TCF12: variants seen among roughly 807,000 people sequenced by gnomAD.
The protein encoded by TCF12 is transcription factor 12, also known as DNA-binding protein HTF4.
A neutral mutation model predicts 86.0 loss-of-function variants in TCF12; 45 were observed. The observed-to-expected ratio is 0.52, with a 90% confidence interval of 0.41 to 0.67. The LOEUF is 0.67. Among genes scored for constraint, TCF12 ranks in the 30% least tolerant of loss-of-function variants. The probability of loss-of-function intolerance (pLI) is 0.00; values close to 1 mark genes in which losing one functional copy is unlikely to be tolerated. For missense variants in TCF12, 881 were observed against 859.9 expected (o/e 1.02, Z -0.31); for synonymous variants, 330 against 299.6 (o/e 1.10, Z -1.05).
intron 4 of TCF12, among the ~76,000 whole-genome samples, chr15:57,086,742 TGA>T (rs2151089398): frequency 6.7e-6 from 1 of 148,150 alleles, no homozygotes; most frequent in East Asian, 2.0e-4. Flanking sequence ...TGAAAAGAAT[TGA>T]AAAATTTTTT....
chr15:56,939,522 A>AT (rs1251743506), intron 3 of TCF12, among the ~76,000 whole-genome samples: 1 of 152,058 alleles, frequency 6.6e-6, no homozygotes, highest in African/African-American at 2.4e-5. Flanking sequence ...TGTCATTTGG[A>AT]TTTTTTTGTT....
At chr15:57,273,297 G>A (rs1231072367) in intron 19 of TCF12, 35 bp downstream of exon 19, 3 of 1,593,418 alleles carry the variant, frequency 1.9e-6, no homozygotes, top group Non-Finnish European at 2.6e-6. Flanking sequence ...TAACTGTTCT[G>A]CTTCAGATGG....
At chr15:57,125,796 A>T (rs543680174) in intron 5 of TCF12, among the ~76,000 whole-genome samples, 21 of 152,352 alleles carry the variant, frequency 1.4e-4, no homozygotes, top group Admixed American at 6.5e-4. Context: ...ACACTCTTGT[A>T]AATAGAAGCA....
At chr15:57,150,990 C>A (rs1328145856) in intron 5 of TCF12, among the ~76,000 whole-genome samples, 2 of 145,154 alleles carry the variant, frequency 1.4e-5, no homozygotes, top group Admixed American at 1.4e-4. Context: ...CTTTTTTCTC[C>A]TTTTTTGGAG....
chr15:57,289,316 G>A lies in TCF12; in HGVS notation c.*3171G>A, dbSNP rs1442342807. The A allele has an allele frequency of 6.6e-6, 1 of 152,112 alleles. No individual in the cohort carries two copies. Among genetic ancestry groups the A allele is most frequent in the Non-Finnish European group, 1.5e-5 (1 of 68,022 alleles). 9.4% of individuals were successfully genotyped at this position (152,112 alleles called of 1,614,324 possible). A position where few individuals can be genotyped will look rare whatever the true frequency, so the allele number is the denominator to read the frequency against. ...TAAGAAGAAAATGTATAATCTTAGA[G>A]CTGAAATAAAATATAGAGACCATCT... On this transcript the variant is annotated 3_prime_UTR_variant, in exon 21 of 21. Transcript: ENST00000333725.
At chr15:57,005,517 A>G (rs534825746) in intron 3 of TCF12, among the ~76,000 whole-genome samples, 6 of 152,308 alleles carry the variant, frequency 3.9e-5, no homozygotes, top group African/African-American at 1.2e-4. Context: ...CCTCCTCTAT[A>G]TAACAGTTTT....
intron 8 of TCF12, among the ~76,000 whole-genome samples, chr15:57,212,626 A>G (rs1010189257): frequency 2.0e-5 from 3 of 152,026 alleles, no homozygotes; most frequent in African/African-American, 7.3e-5. Context: ...ATGGAATTTT[A>G]AAAAAAGAGT....
At chr15:56,962,832 G>T (rs181219580) in intron 3 of TCF12, among the ~76,000 whole-genome samples, 88 of 152,226 alleles carry the variant, frequency 5.8e-4, no homozygotes, top group Non-Finnish European at 9.6e-4. Context: ...AATTCAGTTC[G>T]GTGAGAACAC....
Position 57,135,266 on chromosome 15 carries a change from C to G in TCF12, c.326-31136C>G, listed in dbSNP as rs564294135. Reference sequence around the variant, plus strand: ...AGTTGCATTTATTTTTATTTCCTTCCTGTAATTGGAAAAAGAACTTTTTTT... The same window carrying G: ...AGTTGCATTTATTTTTATTTCCTTCGTGTAATTGGAAAAAGAACTTTTTTT... On this transcript the variant is annotated intron_variant, in intron 5 of 20. Transcript: ENST00000333725. Among the ~76,000 whole-genome samples, 6 of 152,102 alleles carry G rather than the reference C, an allele frequency of 3.9e-5. No homozygotes were observed. In the East Asian group the frequency reaches 9.7e-4, roughly 24 times the overall value.
At chr15:57,239,897 A>G (rs1485708519) in intron 12 of TCF12, among the ~76,000 whole-genome samples, 1 of 152,210 alleles carries the variant, frequency 6.6e-6, no homozygotes, top group Non-Finnish European at 1.5e-5. Flanking sequence ...CTGTCCAGAT[A>G]GAAAAGTCTA....
intron 18 of TCF12, among the ~76,000 whole-genome samples, chr15:57,269,961 C>G (rs145151462): frequency 2.6e-5 from 4 of 152,270 alleles, no homozygotes; most frequent in Non-Finnish European, 5.9e-5. Context: ...TGTGGGTAAT[C>G]CAACCTTTAT....
chr15:56,978,221 AGT>A (rs1290363283), intron 3 of TCF12, among the ~76,000 whole-genome samples: 1 of 152,198 alleles, frequency 6.6e-6, no homozygotes, highest in Non-Finnish European at 1.5e-5. Context: ...TGTATCGAGT[AGT>A]AGTAGTATGT....
chr15:56,936,878 CTTACAGT>C (rs2060492547), intron 3 of TCF12, among the ~76,000 whole-genome samples: 1 of 152,134 alleles, frequency 6.6e-6, no homozygotes, highest in Admixed American at 6.5e-5. Context: ...TGACTATGGC[CTTACAGT>C]CTAGTTTGAA....
At chr15:56,982,387 G>A (rs1391492308) in intron 3 of TCF12, among the ~76,000 whole-genome samples, 2 of 152,036 alleles carry the variant, frequency 1.3e-5, no homozygotes, top group African/African-American at 2.4e-5. Context: ...AAAAATATAG[G>A]TAAATTCAAA....
chr15:57,086,685 A>G (rs2048653151), intron 4 of TCF12, among the ~76,000 whole-genome samples: 1 of 144,510 alleles, frequency 6.9e-6, no homozygotes, highest in Non-Finnish European at 1.5e-5. Flanking sequence ...CTTTATTCAA[A>G]GAGCCTCTTT....
intron 20 of TCF12, among the ~76,000 whole-genome samples, chr15:57,285,905 G>C (rs140122289): frequency 0.018 from 2,690 of 152,262 alleles, 35 homozygotes; most frequent in Middle Eastern, 0.031. Context: ...TCCAGCGAGG[G>C]TGATAGAGCA....
intron 5 of TCF12, among the ~76,000 whole-genome samples, chr15:57,133,411 G>T (rs1260314421): frequency 6.6e-6 from 1 of 152,218 alleles, no homozygotes; most frequent in Non-Finnish European, 1.5e-5. Context: ...GAAATGATGT[G>T]TGATTATGAA....
intron 3 of TCF12, among the ~76,000 whole-genome samples, chr15:57,017,818 G>C: frequency 6.7e-6 from 1 of 149,366 alleles, no homozygotes; most frequent in East Asian, 2.0e-4. Flanking sequence ...TCTGGTATGT[G>C]GCCTTACATA....
At chr15:57,066,557 C>T (rs1329706901) in intron 4 of TCF12, among the ~76,000 whole-genome samples, 3 of 152,030 alleles carry the variant, frequency 2.0e-5, no homozygotes, top group Non-Finnish European at 2.9e-5. Context: ...TCAGTAACAT[C>T]ACTAAATAGA....
Sources: gnomAD v4.1 joint callset for allele counts (sites outside exome capture counted in the v4.1 genomes callset) on GRCh38, gnomAD v4.1.1 for gene constraint, MANE v1.5 for transcripts, NCBI Gene and HGNC (gene_info 2026-07-23, HGNC 2026-07-21) for gene names.